Variants in HMGCLL1 observed in about 807,000 individuals in gnomAD.
HMGCLL1 encodes the protein 3-hydroxy-3-methylglutaryl-CoA lyase like 1.
In HMGCLL1, 36 loss-of-function variants were observed where a neutral mutation model predicts 39.1. The observed-to-expected ratio is 0.92, with a 90% CI of 0.71 to 1.22. The LOEUF (loss-of-function observed/expected upper bound fraction) is 1.22. Ranked by LOEUF, HMGCLL1 falls within the 50% of genes most tolerant of loss-of-function variation. HMGCLL1 has a pLI of 0.00. For synonymous variants in HMGCLL1, 149 were observed against 144.0 expected, an observed-to-expected ratio of 1.03 and a Z score of -0.25; for missense variants, 451 against 416.5, an observed-to-expected ratio of 1.08 and a Z score of -0.72.
the HMGCLL1 span, among the ~76,000 whole-genome samples, chr6:55,648,558 CA>C: frequency 1.3e-5 from 1 of 77,064 alleles, no homozygotes; most frequent in Non-Finnish European, 2.5e-5. Flanking sequence ...CACATAAATA[CA>C]AACTACCATC....
chr6:55,650,532 C>T, the HMGCLL1 span, among the ~76,000 whole-genome samples: 1 of 152,004 alleles, frequency 6.6e-6, no homozygotes, highest in South Asian at 2.1e-4. Flanking sequence ...TGCAAGCAAC[C>T]TTGTGGCCAC....
At chr6:55,663,930 TC>T in the HMGCLL1 span, among the ~76,000 whole-genome samples, 1 of 151,920 alleles carries the variant, frequency 6.6e-6, no homozygotes, top group Non-Finnish European at 1.5e-5. Context: ...GTAATGCCCT[TC>T]TTTCTCTGTT....
the HMGCLL1 span, among the ~76,000 whole-genome samples, chr6:55,664,162 C>T: frequency 6.6e-6 from 1 of 151,740 alleles, no homozygotes; most frequent in Non-Finnish European, 1.5e-5. Flanking sequence ...GGCATTTAGC[C>T]CATTCACATT....
chr6:55,607,117 T>C, the HMGCLL1 span, among the ~76,000 whole-genome samples: 1 of 152,216 alleles, frequency 6.6e-6, no homozygotes, highest in African/African-American at 2.4e-5. Context: ...GTGCATGAGA[T>C]GAGTAGCACT....
chr6:55,623,688 T>C, the HMGCLL1 span, among the ~76,000 whole-genome samples: 1 of 149,116 alleles, frequency 6.7e-6, no homozygotes, highest in Non-Finnish European at 1.5e-5. Context: ...ATATAATACA[T>C]ATATACATAT....
the HMGCLL1 span, among the ~76,000 whole-genome samples, chr6:55,626,058 C>T: frequency 6.6e-6 from 1 of 152,148 alleles, no homozygotes; most frequent in South Asian, 2.1e-4. Context: ...GCTATGGCCA[C>T]TGCTGAGTGC....
intron 3 of HMGCLL1, among the ~76,000 whole-genome samples, chr6:55,535,911 C>T (rs1768991985): frequency 6.6e-6 from 1 of 152,190 alleles, no homozygotes; most frequent in Non-Finnish European, 1.5e-5. Flanking sequence ...TCAAAATCAC[C>T]TCCTTCTTTG....
At chr6:55,663,103 C>T in the HMGCLL1 span, among the ~76,000 whole-genome samples, 2 of 150,072 alleles carry the variant, frequency 1.3e-5, no homozygotes, top group Admixed American at 1.3e-4. Context: ...AACTAGTGAC[C>T]TATCTTATTA....
At chr6:55,634,190 G>A in the HMGCLL1 span, among the ~76,000 whole-genome samples, 1 of 152,008 alleles carries the variant, frequency 6.6e-6, no homozygotes, top group Non-Finnish European at 1.5e-5. Flanking sequence ...CAGCAGTGGA[G>A]AGCAGGGAGG....
intron 1 of HMGCLL1, among the ~76,000 whole-genome samples, chr6:55,552,190 A>T (rs1482620376): frequency 6.6e-6 from 1 of 152,022 alleles, no homozygotes; most frequent in African/African-American, 2.4e-5. Flanking sequence ...TAAAGTCTCA[A>T]ATAGACAACC....
At chr6:55,646,025 G>A in the HMGCLL1 span, among the ~76,000 whole-genome samples, 1 of 151,754 alleles carries the variant, frequency 6.6e-6, no homozygotes, top group South Asian at 2.1e-4. Context: ...TCAGTTTCTG[G>A]ACTTTTCTTT....
chr6:55,505,957 T>C lies in HMGCLL1; in HGVS notation c.543-6658A>G, dbSNP rs141819290. Among the ~76,000 whole-genome samples the C allele has an allele frequency of 9.4e-3, 1,422 of 151,840 alleles. 22 individuals carry two copies. The highest frequency in any genetic ancestry group is 0.032 in the African/African-American group (1,348 of 41,488). ...GACATTTGCTTAAAATTTTGTAATCTCCACAATAAATCCATTTCACCAATG... is the reference window on the plus strand; with the variant it reads ...GACATTTGCTTAAAATTTTGTAATCCCCACAATAAATCCATTTCACCAATG... On this transcript the variant is annotated intron_variant, in intron 5 of 8. Coordinates refer to ENST00000274901, the MANE Select transcript of HMGCLL1 (RefSeq NM_001042406.2).
the HMGCLL1 span, among the ~76,000 whole-genome samples, chr6:55,616,752 T>TA: frequency 2.0e-5 from 3 of 151,954 alleles, no homozygotes; most frequent in Non-Finnish European, 2.9e-5. Flanking sequence ...CAAAACAATT[T>TA]AAAAAATTAA....
intron 1 of HMGCLL1, among the ~76,000 whole-genome samples, chr6:55,558,595 C>G (rs1377514461): frequency 6.6e-6 from 1 of 152,104 alleles, no homozygotes; most frequent in African/African-American, 2.4e-5. Context: ...GGCTCTGCTT[C>G]TAGATCTCAT....
intron 1 of HMGCLL1, among the ~76,000 whole-genome samples, chr6:55,557,834 C>T (rs1438081115): frequency 6.6e-6 from 1 of 152,172 alleles, no homozygotes; most frequent in African/African-American, 2.4e-5. Context: ...TAGAGTACAG[C>T]TGGTGCCCGT....
intron 7 of HMGCLL1, among the ~76,000 whole-genome samples, chr6:55,473,438 T>A (rs1319926567): frequency 6.6e-6 from 1 of 151,382 alleles, no homozygotes; most frequent in African/African-American, 2.4e-5. Flanking sequence ...CAGTTTCCAA[T>A]ACACCTTGTT....
intron 7 of HMGCLL1, among the ~76,000 whole-genome samples, chr6:55,450,305 C>T (rs567617180): frequency 1.3e-5 from 2 of 152,316 alleles, no homozygotes; most frequent in African/African-American, 4.8e-5. Context: ...CAGGATAGAG[C>T]TGGCAGAAGA....
intron 5 of HMGCLL1, chr6:55,513,093 T>C (rs1490613558): frequency 6.6e-6 from 1 of 152,098 alleles, no homozygotes. Context: ...TCATCACCGC[T>C]AGGAGCCTCC....
At chr6:55,605,648 A>C in the HMGCLL1 span, among the ~76,000 whole-genome samples, 1 of 152,136 alleles carries the variant, frequency 6.6e-6, no homozygotes, top group African/African-American at 2.4e-5. Context: ...CTTGATTCAC[A>C]ACAGCTCTCT....
Sources: gnomAD v4.1 joint callset for allele counts (sites outside exome capture counted in the v4.1 genomes callset) on GRCh38, gnomAD v4.1.1 for gene constraint, MANE v1.5 for transcripts, NCBI Gene and HGNC (gene_info 2026-07-23, HGNC 2026-07-21) for gene names.